SEMA6D: variants seen among roughly 807,000 people sequenced by gnomAD.
SEMA6D encodes the protein semaphorin 6D, also known as semaphorin-6D.
Under a neutral mutation model 106.6 loss-of-function variants are expected in SEMA6D, and 35 were observed. The observed-to-expected ratio is 0.33, with a 90% confidence interval of 0.25 to 0.44. SEMA6D has a LOEUF of 0.44. SEMA6D is among the 20% of genes least tolerant of loss of function. The probability of loss-of-function intolerance (pLI) is 1.00; values close to 1 mark genes in which losing one functional copy is unlikely to be tolerated. For synonymous variants in SEMA6D, 499 were observed against 487.7 expected (o/e 1.02, Z -0.31); for missense variants, 1,185 against 1,345.9 (o/e 0.88, Z 1.87).
intron 1 of SEMA6D, among the ~76,000 whole-genome samples, chr15:47,240,191 G>A (rs1280715158): frequency 6.6e-6 from 1 of 152,084 alleles, no homozygotes; most frequent in African/African-American, 2.4e-5. Flanking sequence ...AGAAAAATTT[G>A]TTGGTCAGCT....
chr15:47,722,096 C>T (rs545880659), intron 1 of SEMA6D, among the ~76,000 whole-genome samples: 31 of 152,170 alleles, frequency 2.0e-4, no homozygotes, highest in Non-Finnish European at 4.3e-4. Flanking sequence ...GTTCTGGGGT[C>T]ACAGCTACTG....
rs1032923671 is a variant in SEMA6D, at chr15:47,717,861, T to A, written c.-55+169T>A. On this transcript the variant is annotated intron_variant, in intron 1 of 18. Transcript: ENST00000536845. ...GTGTGTGTGTGTGTGTGTGTGTGTG[T>A]GTGTGTGTGTGTGTGTGTTGCCACT... is the stretch of plus-strand genomic sequence containing the variant. 9.2e-4 allele frequency among the ~76,000 whole-genome samples: 135 copies of A among 146,812 alleles called. 6 individuals are homozygous for A. The East Asian group carries it at 0.02, about 22-fold the overall frequency.
At chr15:47,330,739 C>T (rs2037310918) in intron 1 of SEMA6D, among the ~76,000 whole-genome samples, 1 of 152,180 alleles carries the variant, frequency 6.6e-6, no homozygotes, top group Non-Finnish European at 1.5e-5. Context: ...TGTGGGATCT[C>T]AGAGGTAGCC....
intron 1 of SEMA6D, among the ~76,000 whole-genome samples, chr15:47,388,473 C>A (rs1003326300): frequency 6.6e-6 from 1 of 152,146 alleles, no homozygotes; most frequent in African/African-American, 2.4e-5. Context: ...CTGCCCAGCT[C>A]CATCCTGCCC....
intron 1 of SEMA6D, among the ~76,000 whole-genome samples, chr15:47,196,790 T>C (rs1292593038): frequency 6.6e-6 from 1 of 152,192 alleles, no homozygotes. Flanking sequence ...CGAAACATGT[T>C]AGAAAGAGCT....
chr15:47,753,026 A>T, intron 1 of SEMA6D, among the ~76,000 whole-genome samples: 1 of 151,588 alleles, frequency 6.6e-6, no homozygotes, highest in East Asian at 2.1e-4. Context: ...AAATAAGCAC[A>T]TGGGAAAGAG....
chr15:47,702,275 C>T (rs1238109857), intron 4 of SEMA6D, among the ~76,000 whole-genome samples: 4 of 152,148 alleles, frequency 2.6e-5, no homozygotes, highest in Non-Finnish European at 5.9e-5. Context: ...AAAAGATGCT[C>T]TACATCATAT....
chr15:47,490,956 C>T (rs1315472328), intron 3 of SEMA6D, among the ~76,000 whole-genome samples: 1 of 152,140 alleles, frequency 6.6e-6, no homozygotes, highest in Admixed American at 6.5e-5. Context: ...AGGGTAAGTG[C>T]TGGAGAAGAT....
intron 3 of SEMA6D, among the ~76,000 whole-genome samples, chr15:47,553,689 T>G (rs767202481): frequency 6.6e-6 from 1 of 152,152 alleles, no homozygotes; most frequent in Non-Finnish European, 1.5e-5. Context: ...AAAGCTTTTT[T>G]TCTCCTGCAC....
intron 1 of SEMA6D, chr15:47,412,272 T>G (rs1339377364): frequency 1.3e-5 from 2 of 152,444 alleles, no homozygotes; most frequent in Non-Finnish European, 2.9e-5. Context: ...TAAGAGGTCT[T>G]ATCATTAAAG....
At chr15:47,211,245 T>C (rs1213073635) in intron 1 of SEMA6D, among the ~76,000 whole-genome samples, 2 of 152,158 alleles carry the variant, frequency 1.3e-5, no homozygotes, top group Non-Finnish European at 2.9e-5. Context: ...TGCGTACACT[T>C]GTATACCTGG....
intron 3 of SEMA6D, among the ~76,000 whole-genome samples, chr15:47,491,617 T>C (rs1326636882): frequency 6.6e-6 from 1 of 152,162 alleles, no homozygotes; most frequent in African/African-American, 2.4e-5. Context: ...GTTTTAGTTC[T>C]TGGATTGGTG....
At chr15:47,372,475 A>G (rs1486125309) in intron 1 of SEMA6D, among the ~76,000 whole-genome samples, 2 of 152,214 alleles carry the variant, frequency 1.3e-5, no homozygotes, top group Non-Finnish European at 2.9e-5. Flanking sequence ...AGCTGTCTCC[A>G]TATTTAGTTA....
At chr15:47,718,284 GC>G (rs2079208865) in intron 1 of SEMA6D, among the ~76,000 whole-genome samples, 1 of 152,186 alleles carries the variant, frequency 6.6e-6, no homozygotes, top group Non-Finnish European at 1.5e-5. Context: ...GCAGCTCTGC[GC>G]CCGGCTAGGA....
At chr15:47,579,839 G>A (rs1400171311) in intron 3 of SEMA6D, among the ~76,000 whole-genome samples, 1 of 151,140 alleles carries the variant, frequency 6.6e-6, no homozygotes, top group African/African-American at 2.4e-5. Flanking sequence ...TACTGAGGAA[G>A]TAAAGAATCA....
chr15:47,417,825 A>C (rs1222250241), intron 2 of SEMA6D, among the ~76,000 whole-genome samples: 1 of 144,792 alleles, frequency 6.9e-6, no homozygotes, highest in African/African-American at 2.5e-5. Context: ...TCATGCATCC[A>C]TTTTTTTTTT....
chr15:47,633,233 G>C (rs2077323633), intron 4 of SEMA6D, among the ~76,000 whole-genome samples: 2 of 152,036 alleles, frequency 1.3e-5, no homozygotes, highest in South Asian at 4.2e-4. Flanking sequence ...TATCATTTTT[G>C]AGTTTCCAAA....
At chr15:47,452,950 TTTTA>T (rs1170100583) in intron 2 of SEMA6D, among the ~76,000 whole-genome samples, 4 of 152,008 alleles carry the variant, frequency 2.6e-5, no homozygotes, top group African/African-American at 7.2e-5. Context: ...CCCATGAGTT[TTTTA>T]TTTGTTTGTT....
intron 1 of SEMA6D, among the ~76,000 whole-genome samples, chr15:47,336,974 G>T (rs2037589154): frequency 6.6e-6 from 1 of 152,134 alleles, no homozygotes; most frequent in Non-Finnish European, 1.5e-5. Context: ...TTTAACAGTG[G>T]TGGAAGTCCC....
Sources: gnomAD v4.1 joint callset for allele counts (sites outside exome capture counted in the v4.1 genomes callset) on GRCh38, gnomAD v4.1.1 for gene constraint, MANE v1.5 for transcripts, NCBI Gene and HGNC (gene_info 2026-07-23, HGNC 2026-07-21) for gene names.